The following STPG2 variants were observed in gnomAD, a reference collection of about 807,000 sequenced individuals.
STPG2 encodes the protein sperm tail PG-rich repeat containing 2.
STPG2 carries 56 observed loss-of-function variants against 54.2 expected under a neutral mutation model. The ratio of observed to expected loss-of-function variants is 1.03; its 90% confidence interval spans 0.83 to 1.29. The LOEUF (loss-of-function observed/expected upper bound fraction) is 1.29. Ranked by LOEUF, STPG2 falls within the 50% of genes most tolerant of loss-of-function variation. STPG2 has a pLI of 0.00. For synonymous variants in STPG2, 200 were observed against 181.8 expected (o/e 1.10, Z -0.81); for missense variants, 596 against 544.9 (o/e 1.09, Z -0.93).
intron 9 of STPG2, among the ~76,000 whole-genome samples, chr4:97,779,457 G>A (rs535789186): frequency 7.9e-5 from 12 of 152,022 alleles, no homozygotes; most frequent in Non-Finnish European, 1.6e-4. Context: ...ATATCTGATC[G>A]GTGTACCTGA....
At chr4:97,499,995 AG>A (rs1730690388) in intron 4 of STPG2, among the ~76,000 whole-genome samples, 1 of 152,032 alleles carries the variant, frequency 6.6e-6, no homozygotes, top group African/African-American at 2.4e-5. Flanking sequence ...GAAGCCATGG[AG>A]AGTTTCAAAC....
chr4:97,855,054 T>C (rs1729290708), intron 8 of STPG2, among the ~76,000 whole-genome samples: 1 of 152,182 alleles, frequency 6.6e-6, no homozygotes, highest in Admixed American at 6.6e-5. Flanking sequence ...CTTCCAACTC[T>C]ATTCATGTCC....
At chr4:97,702,144 A>G (rs1394353857) in intron 10 of STPG2, among the ~76,000 whole-genome samples, 3 of 152,124 alleles carry the variant, frequency 2.0e-5, no homozygotes, top group Non-Finnish European at 4.4e-5. Flanking sequence ...CATCAAACCA[A>G]GGGATACCAC....
At chr4:97,616,719 T>C (rs1041013084) in intron 10 of STPG2, among the ~76,000 whole-genome samples, 1 of 152,128 alleles carries the variant, frequency 6.6e-6, no homozygotes, top group Non-Finnish European at 1.5e-5. Context: ...CTCAACTATA[T>C]GTTACATCTA....
At position 98,036,289 on chromosome 4, in the gene STPG2, A is replaced by C. The variant is rs186288010; in HGVS notation, c.613-54971T>G. ...TTCAAGACAGAATACCATTCAACCC[A>C]GCAATCCCATTACTGGGTATATACA... On this transcript the variant is annotated intron_variant, in intron 5 of 10. Transcript: ENST00000295268. 1.3e-3 allele frequency among the ~76,000 whole-genome samples: 192 copies of C among 152,220 alleles called. 2 individuals carry two copies. Among genetic ancestry groups the C allele is most frequent in the South Asian group, 4.2e-3 (20 of 4,816 alleles).
chr4:97,672,570 C>T (rs1183120975), intron 10 of STPG2, among the ~76,000 whole-genome samples: 1 of 152,076 alleles, frequency 6.6e-6, no homozygotes, highest in Non-Finnish European at 1.5e-5. Flanking sequence ...TAACAAAAAC[C>T]TTCCAATACA....
At chr4:97,542,415 T>C (rs115505770) in intron 4 of STPG2, among the ~76,000 whole-genome samples, 4,251 of 152,180 alleles carry the variant, frequency 0.028, 122 homozygotes, top group African/African-American at 0.075. Flanking sequence ...AAAACCACAA[T>C]GAGATAATCA....
chr4:98,143,264 A>G lies in STPG2; in HGVS notation c.-114T>C. Reference sequence around the variant, plus strand: ...CGACACCAGTCTGAGGAGGCCGGGAAAGAACTTCCGTAAACAGGGAAATTA... The same window carrying G: ...CGACACCAGTCTGAGGAGGCCGGGAGAGAACTTCCGTAAACAGGGAAATTA... On this transcript the variant is annotated 5_prime_UTR_variant, in exon 1 of 11. Transcript: ENST00000295268. 4.1e-6 allele frequency: 3 copies of G among 733,088 alleles called. No individual in the cohort carries two copies. Among genetic ancestry groups the G allele is most frequent in the Non-Finnish European group, 6.7e-6 (3 of 447,648 alleles). The allele number at this position is 733,088 out of a possible 1,614,324, so 45.4% of individuals were successfully genotyped here.
At chr4:97,806,273 A>G (rs1160002496) in intron 9 of STPG2, among the ~76,000 whole-genome samples, 1 of 152,138 alleles carries the variant, frequency 6.6e-6, no homozygotes, top group African/African-American at 2.4e-5. Flanking sequence ...GAAGCAGAAA[A>G]CCAAATACCA....
chr4:97,728,109 G>A (rs1361200683), intron 9 of STPG2, among the ~76,000 whole-genome samples: 1 of 151,924 alleles, frequency 6.6e-6, no homozygotes. Flanking sequence ...TGGCCATAAA[G>A]TATGAACCAA....
intron 10 of STPG2, among the ~76,000 whole-genome samples, chr4:97,643,544 A>T (rs1721822849): frequency 6.6e-6 from 1 of 151,750 alleles, no homozygotes; most frequent in South Asian, 2.1e-4. Context: ...TCCAAAATAC[A>T]ACCATTTAAC....
At chr4:97,944,415 G>A (rs1221626644) in intron 7 of STPG2, among the ~76,000 whole-genome samples, 1 of 151,626 alleles carries the variant, frequency 6.6e-6, no homozygotes, top group Non-Finnish European at 1.5e-5. Context: ...GCAATTCTGG[G>A]TTAATATATT....
chr4:97,445,702 T>C (rs567284557), intron 4 of STPG2, among the ~76,000 whole-genome samples: 1 of 152,198 alleles, frequency 6.6e-6, no homozygotes, highest in Non-Finnish European at 1.5e-5. Context: ...GTCTATGGCA[T>C]GAATAAACTG....
chr4:98,047,670 A>G (rs1737178592), intron 5 of STPG2, among the ~76,000 whole-genome samples: 1 of 152,154 alleles, frequency 6.6e-6, no homozygotes. Context: ...AGCACTCAAT[A>G]CGTGAACAAA....
At chr4:97,618,815 G>A (rs1161802225) in intron 10 of STPG2, among the ~76,000 whole-genome samples, 4 of 152,158 alleles carry the variant, frequency 2.6e-5, no homozygotes, top group African/African-American at 9.7e-5. Context: ...TAGAACAGCA[G>A]CAATAGCACC....
At chr4:97,661,651 T>C (rs1482476528) in intron 10 of STPG2, among the ~76,000 whole-genome samples, 1 of 151,544 alleles carries the variant, frequency 6.6e-6, no homozygotes, top group Non-Finnish European at 1.5e-5. Context: ...TCTTAATTCC[T>C]AAAAGGGGAA....
At chr4:97,579,643 C>T (rs1732813560) in intron 10 of STPG2, among the ~76,000 whole-genome samples, 1 of 152,042 alleles carries the variant, frequency 6.6e-6, no homozygotes, top group Non-Finnish European at 1.5e-5. Flanking sequence ...AAGAAACAAA[C>T]TTTTAATTCA....
At chr4:97,692,601 T>A (rs1266398585) in intron 10 of STPG2, among the ~76,000 whole-genome samples, 1 of 152,106 alleles carries the variant, frequency 6.6e-6, no homozygotes, top group East Asian at 1.9e-4. Context: ...AAGAGAAATC[T>A]AAAAGTTTAG....
intron 9 of STPG2, among the ~76,000 whole-genome samples, chr4:97,756,484 G>A (rs1353191957): frequency 6.6e-6 from 1 of 151,986 alleles, no homozygotes; most frequent in Non-Finnish European, 1.5e-5. Flanking sequence ...ACCATGCCCG[G>A]CTAATTTTTT....
Sources: allele counts gnomAD v4.1 joint callset (sites outside exome capture counted in the v4.1 genomes callset), GRCh38; gene constraint gnomAD v4.1.1; transcripts MANE v1.5; gene names NCBI Gene and HGNC (gene_info 2026-07-23, HGNC 2026-07-21).